Variants in ZNF609 observed in about 807,000 individuals in gnomAD.
The protein encoded by ZNF609 is zinc finger protein 609.
ZNF609 carries 11 observed loss-of-function variants against 109.5 expected under a neutral mutation model. The observed-to-expected ratio is 0.10, with a 90% CI of 0.06 to 0.17. The LOEUF is 0.17. Ranked by LOEUF, ZNF609 falls within the 10% of genes least tolerant of loss-of-function variation. The pLI is 1.00. For synonymous variants in ZNF609, 646 were observed against 662.0 expected (o/e 0.98, Z 0.37); for missense variants, 1,559 against 1,772.4 (o/e 0.88, Z 2.16).
intron 2 of ZNF609, among the ~76,000 whole-genome samples, chr15:64,608,906 T>A (rs1895658791): frequency 1.3e-5 from 2 of 151,648 alleles, no homozygotes. Context: ...GCCCAGCTAA[T>A]TTTTTTTATT....
intron 2 of ZNF609, among the ~76,000 whole-genome samples, chr15:64,514,124 A>G (rs1405567120): frequency 6.6e-6 from 1 of 150,826 alleles, no homozygotes; most frequent in Non-Finnish European, 1.5e-5. Flanking sequence ...CAAATCTCCT[A>G]TCTCTGGCTT....
At chr15:64,563,515 G>T (rs924120689) in intron 2 of ZNF609, among the ~76,000 whole-genome samples, 2 of 151,946 alleles carry the variant, frequency 1.3e-5, no homozygotes, top group Non-Finnish European at 2.9e-5. Context: ...AGTAGCTCAC[G>T]CCTGTAATCC....
At chr15:64,572,982 G>T (rs1278348900) in intron 2 of ZNF609, among the ~76,000 whole-genome samples, 1 of 152,182 alleles carries the variant, frequency 6.6e-6, no homozygotes, top group Middle Eastern at 3.2e-3. Flanking sequence ...GGCTAGAAAA[G>T]CATGGACCTA....
intron 2 of ZNF609, among the ~76,000 whole-genome samples, chr15:64,590,130 T>G (rs911704890): frequency 6.6e-6 from 1 of 152,198 alleles, no homozygotes; most frequent in South Asian, 2.1e-4. Flanking sequence ...ACTTGCTGAT[T>G]AGAAATCTGA....
chr15:64,461,436 G>C (rs1892939781), intron 1 of ZNF609, among the ~76,000 whole-genome samples: 1 of 152,068 alleles, frequency 6.6e-6, no homozygotes, highest in Admixed American at 6.6e-5. Flanking sequence ...TTGTACCCCC[G>C]GGAGGGTTTG....
intron 4 of ZNF609, among the ~76,000 whole-genome samples, chr15:64,672,232 TC>T (rs1267804178): frequency 6.7e-6 from 1 of 149,740 alleles, no homozygotes; most frequent in Non-Finnish European, 1.5e-5. Flanking sequence ...CAGGATGGTC[TC>T]GATCTCCTGA....
chr15:64,613,329 G>T (rs1487117800), intron 2 of ZNF609, among the ~76,000 whole-genome samples: 1 of 151,970 alleles, frequency 6.6e-6, no homozygotes, highest in African/African-American at 2.4e-5. Flanking sequence ...CGAAGAAGAA[G>T]AAGAAAGAAA....
Position 64,675,066 on chromosome 15 carries a change from T to C in ZNF609, c.2212T>C (p.Ser738Pro). 1 of 1,614,130 alleles carries C rather than the reference T, an allele frequency of 6.2e-7. No individual in the cohort carries two copies. The highest frequency in any genetic ancestry group is 8.5e-7 in the Non-Finnish European group (1 of 1,180,026). The change falls in exon 5 of 10, where the codon TCA becomes CCA. Residue 738 changes from serine to proline, a missense_variant. Physicochemically the swap from Ser to Pro is moderately conservative, Grantham distance 74 (BLOSUM62 -1). Transcript: ENST00000326648. Reference protein sequence around the residue: ...KKKDKKKKESSKELESPLTPG... With the variant: ...KKKDKKKKESPKELESPLTPG... ...GAAAGACAAAAAAAAGAAGGAATCTTCAAAGGAACTTGAAAGTCCTCTGAC... is the reference window on the plus strand; with the variant it reads ...GAAAGACAAAAAAAAGAAGGAATCTCCAAAGGAACTTGAAAGTCCTCTGAC...
chr15:64,523,237 T>C (rs955710520), intron 2 of ZNF609, among the ~76,000 whole-genome samples: 5 of 152,202 alleles, frequency 3.3e-5, no homozygotes, highest in Non-Finnish European at 7.3e-5. Context: ...TCCAAAAGTA[T>C]ACATCCTATA....
chr15:64,471,722 T>C (rs894891353), intron 1 of ZNF609, among the ~76,000 whole-genome samples: 1 of 152,012 alleles, frequency 6.6e-6, no homozygotes, highest in Admixed American at 6.6e-5. Context: ...TAGGTGGCAT[T>C]ACAGGCATGC....
chr15:64,607,570 T>C (rs1461673702), intron 2 of ZNF609, among the ~76,000 whole-genome samples: 2 of 149,892 alleles, frequency 1.3e-5, no homozygotes, highest in African/African-American at 4.9e-5. Context: ...AGTGGCGCGA[T>C]CTTGGCTCAC....
intron 1 of ZNF609, among the ~76,000 whole-genome samples, chr15:64,492,241 TC>T (rs1893423914): frequency 6.6e-6 from 1 of 151,936 alleles, no homozygotes; most frequent in Non-Finnish European, 1.5e-5. Context: ...AGACTCTGTC[TC>T]AAAGAAAAGA....
rs148172533 is a variant in ZNF609, at chr15:64,577,743, C to T, written c.748-45084C>T. ...GTATGGGGACACATGCCTGTAATCCCCGCTACTTGGGAGGCTGAGGCAGGA... is the reference window on the plus strand; with the variant it reads ...GTATGGGGACACATGCCTGTAATCCTCGCTACTTGGGAGGCTGAGGCAGGA... On this transcript the variant is annotated intron_variant, in intron 2 of 9. Coordinates refer to ENST00000326648, the MANE Select transcript of ZNF609 (RefSeq NM_015042.2). 2.4e-3 allele frequency among the ~76,000 whole-genome samples: 353 copies of T among 150,160 alleles called. 2 individuals carry two copies. Among genetic ancestry groups the T allele is most frequent in the African/African-American group, 8.3e-3 (339 of 40,718 alleles).
intron 2 of ZNF609, among the ~76,000 whole-genome samples, chr15:64,536,926 A>G (rs1357884115): frequency 1.4e-5 from 2 of 138,788 alleles, no homozygotes; most frequent in Non-Finnish European, 3.1e-5. Flanking sequence ...GAAAAAAAAA[A>G]AAAAAAAAAA....
rs145906739 is a variant in ZNF609 at position 64,577,249 on chromosome 15, A to G, written c.748-45578A>G. ...CACACAAATACATACATATATATGT[A>G]TATATATACACACAAATATATACAT... On this transcript the variant is annotated intron_variant, in intron 2 of 9. Coordinates refer to ENST00000326648, the MANE Select transcript of ZNF609 (RefSeq NM_015042.2). 0.015 allele frequency among the ~76,000 whole-genome samples: 209 copies of G among 13,680 alleles called. 43 individuals carry two copies. The East Asian group carries it at 0.22, about 15-fold the overall frequency. 9.0% of individuals were successfully genotyped at this position (13,680 alleles called of 152,430 possible). A position where few individuals can be genotyped will look rare whatever the true frequency, so the allele number is the denominator to read the frequency against.
At chr15:64,633,825 G>A (rs1896124296) in intron 3 of ZNF609, among the ~76,000 whole-genome samples, 1 of 151,584 alleles carries the variant, frequency 6.6e-6, no homozygotes, top group South Asian at 2.1e-4. Context: ...AGGTTGCAGT[G>A]AGCCGAGATA....
At chr15:64,627,338 T>C (rs1403440150) in intron 3 of ZNF609, among the ~76,000 whole-genome samples, 2 of 152,162 alleles carry the variant, frequency 1.3e-5, no homozygotes, top group Non-Finnish European at 2.9e-5. Flanking sequence ...GCATACTGGC[T>C]TGTGTGGTAT....
chr15:64,651,428 T>C (rs1362313893), intron 3 of ZNF609, among the ~76,000 whole-genome samples: 2 of 152,234 alleles, frequency 1.3e-5, no homozygotes, highest in Non-Finnish European at 2.9e-5. Flanking sequence ...AGATCACTTT[T>C]GGCTAAATTA....
At chr15:64,580,808 C>T (rs984367090) in intron 2 of ZNF609, among the ~76,000 whole-genome samples, 1 of 151,984 alleles carries the variant, frequency 6.6e-6, no homozygotes, top group African/African-American at 2.4e-5. Flanking sequence ...GCTAGGATGA[C>T]AGGCATGAGC....
Sources: allele counts gnomAD v4.1 joint callset (sites outside exome capture counted in the v4.1 genomes callset), GRCh38; gene constraint gnomAD v4.1.1; transcripts MANE v1.5; gene names NCBI Gene and HGNC (gene_info 2026-07-23, HGNC 2026-07-21).